CSMD1: variants seen among roughly 807,000 people sequenced by gnomAD.
CSMD1 encodes the protein CUB and Sushi multiple domains 1, also known as CUB and sushi domain-containing protein 1.
In CSMD1, 213 loss-of-function variants were observed where a neutral mutation model predicts 417.5. That is an observed-to-expected ratio of 0.51 (90% CI 0.46 to 0.57). The LOEUF is 0.57. Among genes scored for constraint, CSMD1 ranks in the 20% least tolerant of loss-of-function variants. The pLI is 0.00. For synonymous variants in CSMD1, 2,862 were observed against 1,736.8 expected (o/e 1.65, Z -16.11); for missense variants, 6,923 against 4,529.7 (o/e 1.53, Z -15.17).
At chr8:3,037,704 A>C (rs1810786037) in intron 50 of CSMD1, among the ~76,000 whole-genome samples, 1 of 152,188 alleles carries the variant, frequency 6.6e-6, no homozygotes, top group African/African-American at 2.4e-5. Flanking sequence ...CTTACAGCTT[A>C]ACGAAATGAT....
intron 3 of CSMD1, among the ~76,000 whole-genome samples, chr8:4,255,603 T>A (rs1233475852): frequency 6.6e-6 from 1 of 152,236 alleles, no homozygotes; most frequent in African/African-American, 2.4e-5. Context: ...ATAAAGTTGA[T>A]TATACTTGAT....
At chr8:4,973,168 G>A (rs1810342066) in intron 1 of CSMD1, among the ~76,000 whole-genome samples, 1 of 152,010 alleles carries the variant, frequency 6.6e-6, no homozygotes, top group African/African-American at 2.4e-5. Context: ...CCAATATCTT[G>A]CAGAACACTT....
At chr8:3,418,468 C>G (rs1002593699) in intron 12 of CSMD1, among the ~76,000 whole-genome samples, 3 of 152,064 alleles carry the variant, frequency 2.0e-5, no homozygotes, top group African/African-American at 7.2e-5. Flanking sequence ...CAATTTTATT[C>G]AAGATATTGG....
Position 4,157,566 on chromosome 8 carries a change from C to T in CSMD1, c.416-125467G>A, listed in dbSNP as rs569616801. Among the ~76,000 whole-genome samples the T allele has an allele frequency of 2.6e-5, 4 of 152,266 alleles. No individual in the cohort carries two copies. The East Asian group carries it at 5.8e-4, about 22-fold the overall frequency. Reference sequence around the variant, plus strand: ...GTCAATGACTGTGTTGTCATTCCCCCGTATTGCTAAGACCCTCTGCCGGTC... The same window carrying T: ...GTCAATGACTGTGTTGTCATTCCCCTGTATTGCTAAGACCCTCTGCCGGTC... On this transcript the variant is annotated intron_variant, in intron 3 of 69. Transcript: ENST00000635120.
chr8:3,524,929 G>T (rs547466239), intron 10 of CSMD1, among the ~76,000 whole-genome samples: 1 of 151,836 alleles, frequency 6.6e-6, no homozygotes, highest in Non-Finnish European at 1.5e-5. Flanking sequence ...ATCATGAAAT[G>T]TAAAAAAAAA....
chr8:3,681,434 T>G (rs1205262220), intron 7 of CSMD1, among the ~76,000 whole-genome samples: 3 of 152,122 alleles, frequency 2.0e-5, no homozygotes, highest in Non-Finnish European at 2.9e-5. Context: ...GAACTCCCAT[T>G]GACAATTGTT....
At chr8:3,500,905 CAGAG>C (rs1447600164) in intron 10 of CSMD1, among the ~76,000 whole-genome samples, 2 of 152,090 alleles carry the variant, frequency 1.3e-5, no homozygotes, top group African/African-American at 4.8e-5. Flanking sequence ...AAGAATGTGT[CAGAG>C]AGGATTTTTT....
chr8:3,861,137 C>G (rs754490009), intron 5 of CSMD1, among the ~76,000 whole-genome samples: 1 of 152,132 alleles, frequency 6.6e-6, no homozygotes, highest in Non-Finnish European at 1.5e-5. Flanking sequence ...ATGCCAAAAA[C>G]ACACCTTTAA....
chr8:4,355,771 A>C (rs3990909), intron 3 of CSMD1, among the ~76,000 whole-genome samples: 2 of 152,066 alleles, frequency 1.3e-5, no homozygotes, highest in East Asian at 3.9e-4. Flanking sequence ...CTCCAGTGTC[A>C]TTCATGGGTA....
At chr8:3,536,220 C>T (rs764161302) in intron 10 of CSMD1, among the ~76,000 whole-genome samples, 6 of 152,152 alleles carry the variant, frequency 3.9e-5, no homozygotes, top group Non-Finnish European at 7.4e-5. Context: ...TTTCAAGACT[C>T]GAAGCATCAA....
At chr8:4,228,170 C>T (rs1316180806) in intron 3 of CSMD1, among the ~76,000 whole-genome samples, 3 of 152,200 alleles carry the variant, frequency 2.0e-5, no homozygotes, top group African/African-American at 4.8e-5. Context: ...GAAACACCCC[C>T]TCCACCCTGC....
At chr8:4,835,300 T>A (rs1800412846) in intron 1 of CSMD1, among the ~76,000 whole-genome samples, 1 of 152,060 alleles carries the variant, frequency 6.6e-6, no homozygotes, top group African/African-American at 2.4e-5. Context: ...GAGATTACGT[T>A]TGAAAAGAGT....
chr8:3,884,696 A>T (rs1189234948), intron 5 of CSMD1, among the ~76,000 whole-genome samples: 1 of 152,084 alleles, frequency 6.6e-6, no homozygotes, highest in Non-Finnish European at 1.5e-5. Flanking sequence ...TTTTAGTACT[A>T]ACTCAACTGA....
chr8:4,610,379 T>C (rs112844209), intron 2 of CSMD1, among the ~76,000 whole-genome samples: 1,840 of 152,318 alleles, frequency 0.012, 33 homozygotes, highest in African/African-American at 0.041. Flanking sequence ...ATCTTTCTAA[T>C]GACACCATGC....
chr8:4,720,169 CAT>C (rs10611609), intron 1 of CSMD1, among the ~76,000 whole-genome samples: 87,409 of 148,790 alleles, frequency 0.59, 26,949 homozygotes, highest in East Asian at 0.88. Context: ...ATACATATAA[CAT>C]ATATATATAT....
intron 1 of CSMD1, among the ~76,000 whole-genome samples, chr8:4,955,092 C>T (rs934743163): frequency 5.4e-4 from 82 of 152,136 alleles, no homozygotes; most frequent in Admixed American, 5.4e-3. Flanking sequence ...ACAATCGCTT[C>T]AGCATCACAG....
At chr8:4,991,401 C>T (rs1811454947) in intron 1 of CSMD1, among the ~76,000 whole-genome samples, 1 of 152,224 alleles carries the variant, frequency 6.6e-6, no homozygotes. Flanking sequence ...TCAGCTGAAG[C>T]TGATACTCAA....
At chr8:3,753,865 C>CTTTCT (rs1797498141) in intron 6 of CSMD1, 65 bp downstream of exon 6, 2 of 1,151,332 alleles carry the variant, frequency 1.7e-6, no homozygotes, top group African/African-American at 3.1e-5. Flanking sequence ...AATTTCATGG[C>CTTTCT]TAGAAAGGAT....
chr8:3,881,933 T>G (rs955430219), intron 5 of CSMD1, among the ~76,000 whole-genome samples: 1 of 152,042 alleles, frequency 6.6e-6, no homozygotes, highest in Non-Finnish European at 1.5e-5. Context: ...TCTTTATAAT[T>G]CCACAGAGAT....
Sources: gnomAD v4.1 joint callset for allele counts (sites outside exome capture counted in the v4.1 genomes callset) on GRCh38, gnomAD v4.1.1 for gene constraint, MANE v1.5 for transcripts, NCBI Gene and HGNC (gene_info 2026-07-23, HGNC 2026-07-21) for gene names.